Variants in TAB1 observed in about 807,000 individuals in gnomAD.
The protein encoded by TAB1 is TGF-beta-activated kinase 1 and MAP3K7-binding protein 1.
In TAB1, 30 loss-of-function variants were observed where a neutral mutation model predicts 54.5. The observed-to-expected ratio is 0.55, with a 90% CI of 0.41 to 0.75. TAB1 has a LOEUF of 0.75. TAB1 is among the 30% of genes least tolerant of loss of function. The pLI is 0.00. For missense variants in TAB1, 609 were observed against 683.2 expected (o/e 0.89, Z 1.21); for synonymous variants, 289 against 286.9 (o/e 1.01, Z -0.07).
At chr22:39,427,521 C>G (rs1021394760) in intron 9 of TAB1, among the ~76,000 whole-genome samples, 1 of 152,242 alleles carries the variant, frequency 6.6e-6, no homozygotes, top group African/African-American at 2.4e-5. Context: ...CAGTGCTGCT[C>G]AGCACTAAGA....
chr22:39,417,386 C>A (rs1293463455), intron 4 of TAB1, among the ~76,000 whole-genome samples: 1 of 152,080 alleles, frequency 6.6e-6, no homozygotes, highest in African/African-American at 2.4e-5. Context: ...CTTGGGAGGC[C>A]GAGGCGGGCG....
At chr22:39,425,776 G>A (rs1927302860) in intron 8 of TAB1, among the ~76,000 whole-genome samples, 1 of 151,484 alleles carries the variant, frequency 6.6e-6, no homozygotes, top group Non-Finnish European at 1.5e-5. Context: ...TCGATCTCCT[G>A]ACCTCATGAT....
chr22:39,417,966 C>T, intron 5 of TAB1, 117 bp downstream of exon 5: 2 of 1,340,356 alleles, frequency 1.5e-6, no homozygotes, highest in Admixed American at 2.8e-5. Context: ...CCCAGGGTCT[C>T]CTGAGACCGT....
chr22:39,411,447 A>G (rs1185880506), intron 1 of TAB1, among the ~76,000 whole-genome samples: 2 of 152,244 alleles, frequency 1.3e-5, no homozygotes, highest in Non-Finnish European at 2.9e-5. Flanking sequence ...CTTGCACTTC[A>G]CCAAAGAGGA....
chr22:39,428,397 C>T (rs917114012), intron 10 of TAB1, among the ~76,000 whole-genome samples: 15 of 152,340 alleles, frequency 9.8e-5, no homozygotes, highest in African/African-American at 3.4e-4. Context: ...GCCTACTTCT[C>T]GTATTTTCTT....
At chr22:39,429,916 C>T in intron 10 of TAB1, 99 bp from the exon 11 acceptor site, 1 of 1,564,852 alleles carries the variant, frequency 6.4e-7, no homozygotes, top group East Asian at 2.3e-5. Flanking sequence ...GCCTGTGGCC[C>T]AAGAGGCTGG....
rs1334685828 is a variant in TAB1 at position 39,422,621 on chromosome 22, A to T, written c.921+650A>T. On this transcript the variant is annotated intron_variant, in intron 8 of 10. Coordinates refer to ENST00000216160, the MANE Select transcript of TAB1 (RefSeq NM_006116.3). ...CAGGGTTTCACCAGGCTGGTCTCCA[A>T]CTCCTGACCTTGTGATCCACCCACC... Among the ~76,000 whole-genome samples the T allele has an allele frequency of 2.0e-5, 3 of 150,670 alleles. No individual in the cohort carries two copies. The East Asian group carries it at 5.9e-4, about 30-fold the overall frequency.
intron 1 of TAB1, among the ~76,000 whole-genome samples, chr22:39,409,606 G>A (rs746826243): frequency 2.0e-5 from 3 of 152,006 alleles, no homozygotes; most frequent in East Asian, 1.9e-4. Flanking sequence ...TTTACGTTCC[G>A]CTCCCTCTGC....
In TAB1 at chr22:39,426,616, C is replaced by G. The variant is rs1927349074; in HGVS notation, c.922-87C>G. On this transcript the variant is annotated intron_variant, in intron 8 of 10. Transcript: ENST00000216160. ...CCTGCTGGGCTGTTGACCACTGAAT[C>G]TCCTGATTTTAGGCTCCAAGATTAT... 7.3e-6 allele frequency: 9 copies of G among 1,236,888 alleles called. No homozygotes were observed. In the East Asian group the frequency reaches 2.0e-4, roughly 27 times the overall value. 76.6% of individuals were successfully genotyped at this position (1,236,888 alleles called of 1,614,324 possible). A position where few individuals can be genotyped will look rare whatever the true frequency, so the allele number is the denominator to read the frequency against.
At position 39,425,127 on chromosome 22, in the gene TAB1, C is replaced by CT. The variant is rs1450025702; in HGVS notation, c.922-1573dup. 2.0e-5 allele frequency among the ~76,000 whole-genome samples: 3 copies of CT among 151,898 alleles called. No individual in the cohort carries two copies. In the East Asian group the frequency reaches 5.8e-4, roughly 29 times the overall value. On this transcript the variant is annotated intron_variant, in intron 8 of 10. Transcript: ENST00000216160. Reference sequence around the variant, plus strand: ...GTGGCTCACGCCTGTAATCCCAGCACTTTGGGAGGCTGAGGCGGGAAGATC... The same window carrying CT: ...GTGGCTCACGCCTGTAATCCCAGCACTTTTGGGAGGCTGAGGCGGGAAGATC...
At chr22:39,400,371 T>C (rs1926082835) in intron 1 of TAB1, among the ~76,000 whole-genome samples, 1 of 152,174 alleles carries the variant, frequency 6.6e-6, no homozygotes, top group Non-Finnish European at 1.5e-5. Flanking sequence ...AGGATTAAAA[T>C]CAGGCAGTGT....
At chr22:39,433,393 G>A (rs541190865), downstream of TAB1, 21 of 931,184 alleles carry the variant, frequency 2.3e-5, no homozygotes, top group East Asian at 2.2e-3. Context: ...GGAGCTTGCA[G>A]TGAGCCAAGA....
intron 9 of TAB1, 73 bp from the exon 10 acceptor site, chr22:39,427,948 A>G (rs1927420484): frequency 7.1e-7 from 1 of 1,413,148 alleles, no homozygotes; most frequent in African/African-American, 1.4e-5. Context: ...CAGGCCATGG[A>G]GCAGCTATGC....
At chr22:39,425,938 A>G (rs1165723049) in intron 8 of TAB1, among the ~76,000 whole-genome samples, 2 of 147,728 alleles carry the variant, frequency 1.4e-5, no homozygotes, top group Non-Finnish European at 3.0e-5. Flanking sequence ...GCTCCCTGCA[A>G]CCTCCGTCTC....
intron 1 of TAB1, among the ~76,000 whole-genome samples, chr22:39,407,677 G>A (rs572235814): frequency 6.6e-6 from 1 of 152,248 alleles, no homozygotes; most frequent in African/African-American, 2.4e-5. Context: ...AGTAGAGACG[G>A]GGTTTTGCTG....
chr22:39,418,553 A>C (rs972904753), intron 5 of TAB1, among the ~76,000 whole-genome samples, 179 bp from the exon 6 acceptor site: 1 of 152,064 alleles, frequency 6.6e-6, no homozygotes, highest in Non-Finnish European at 1.5e-5. Flanking sequence ...AGTTAAACCC[A>C]ATTCTTTCGT....
In TAB1 at chr22:39,427,833, C is replaced by T. The variant is rs563654895; in HGVS notation, c.1145-188C>T. 7.0e-4 allele frequency among the ~76,000 whole-genome samples: 107 copies of T among 152,304 alleles called. 1 individual carries two copies. Among genetic ancestry groups the T allele is most frequent in the Admixed American group, 1.1e-3 (17 of 15,306 alleles). On this transcript the variant is annotated intron_variant, in intron 9 of 10. Coordinates refer to ENST00000216160, the MANE Select transcript of TAB1 (RefSeq NM_006116.3). ...CAGCCCGGCCTGGAAGAGTCTCTGA[C>T]AAGGGACACTCCTCCTGAGCTGTCC...
At chr22:39,417,312 G>A (rs1254929358) in intron 4 of TAB1, among the ~76,000 whole-genome samples, 6 of 152,158 alleles carry the variant, frequency 3.9e-5, no homozygotes, top group African/African-American at 9.7e-5. Context: ...CCGGGCCCTC[G>A]GATCTTTGCT....
At chr22:39,433,796 T>C (rs1170680995), downstream of TAB1, 4 of 985,242 alleles carry the variant, frequency 4.1e-6, no homozygotes, top group Middle Eastern at 5.2e-4. Context: ...CACCCGATTG[T>C]GTTGTTTGCG....
Sources: allele counts gnomAD v4.1 joint callset (sites outside exome capture counted in the v4.1 genomes callset), GRCh38; gene constraint gnomAD v4.1.1; transcripts MANE v1.5; gene names NCBI Gene and HGNC (gene_info 2026-07-23, HGNC 2026-07-21).